CORO7: variants seen among roughly 807,000 people sequenced by gnomAD.
CORO7 encodes coronin-7.
In CORO7, 107 loss-of-function variants were observed where a neutral mutation model predicts 126.6. That is an observed-to-expected ratio of 0.85 (90% CI 0.72 to 0.99). The LOEUF is 0.99. Ranked by LOEUF, CORO7 falls within the 50% of genes least tolerant of loss-of-function variation. The pLI is 0.00. For synonymous variants in CORO7, 603 were observed against 536.8 expected (o/e 1.12, Z -1.70); for missense variants, 1,314 against 1,255.8 (o/e 1.05, Z -0.70).
rs1372322168 is a variant in CORO7, at chr16:4,357,247, G to A, written c.2606C>T (p.Pro869Leu). 11 of 1,613,214 alleles carry A rather than the reference G, an allele frequency of 6.8e-6. No homozygotes were observed. Among genetic ancestry groups the A allele is most frequent in the Non-Finnish European group, 9.3e-6 (11 of 1,179,768 alleles). ...PPDMSPVSQA[P>L]REAPARRAPS... is the part of the protein sequence containing the mutation. Reference sequence around the variant, plus strand: ...GGCCCGACGAGCAGGGGCCTCTCGGGGGGCTTGGCTCACTGGGACAGAGCA... The same window carrying A: ...GGCCCGACGAGCAGGGGCCTCTCGGAGGGCTTGGCTCACTGGGACAGAGCA... Residue 869 changes from proline (P) to leucine (L), a missense_variant, in exon 26 of 28, where the codon CCC (proline) becomes CTC (leucine). Transcript: ENST00000251166.
At chr16:4,360,035 C>T (rs2054112289) in intron 21 of CORO7, among the ~76,000 whole-genome samples, 1 of 145,726 alleles carries the variant, frequency 6.9e-6, no homozygotes, top group African/African-American at 2.6e-5. Context: ...CTCTCCCTAC[C>T]CCCTCATTCA....
chr16:4,370,529 C>G (rs2054487703), intron 9 of CORO7, among the ~76,000 whole-genome samples: 1 of 152,236 alleles, frequency 6.6e-6, no homozygotes, highest in African/African-American at 2.4e-5. Flanking sequence ...CTAAATGCAC[C>G]CAAAGGCCAG....
chr16:4,385,523 G>C (rs1253197793), intron 9 of CORO7, among the ~76,000 whole-genome samples: 1 of 152,164 alleles, frequency 6.6e-6, no homozygotes, highest in East Asian at 1.9e-4. Context: ...GCATCTCCAA[G>C]ACCAAAGCAT....
Position 4,362,084 on chromosome 16 carries a change from G to C in CORO7, c.1479C>G (p.Leu493=). ...RDSHITNLKG[L]NLTTPGESDG... is the part of the protein sequence containing the mutation. Reference sequence around the variant, plus strand: ...CACTCTCACCAGGTGTGGTGAGGTTGAGCCCCTTGAGGTTGGTGATGTGGC... The same window carrying C: ...CACTCTCACCAGGTGTGGTGAGGTTCAGCCCCTTGAGGTTGGTGATGTGGC... The change falls in exon 16 of 28, where the codon CTC becomes CTG. Residue 493 remains leucine (L), a synonymous_variant. Transcript: ENST00000251166. The surrounding 1 kb of genome is among the most constrained non-coding windows in gnomAD (Gnocchi z 5.3). 1 of 1,613,166 alleles carries C rather than the reference G, an allele frequency of 6.2e-7. No homozygotes were observed. Among genetic ancestry groups the C allele is most frequent in the Non-Finnish European group, 8.5e-7 (1 of 1,179,938 alleles).
chr16:4,395,604 C>T (rs1425613540), intron 6 of CORO7, among the ~76,000 whole-genome samples: 1 of 152,184 alleles, frequency 6.6e-6, no homozygotes, highest in Non-Finnish European at 1.5e-5. Flanking sequence ...CTTCCTGAGA[C>T]CTGCTCCACG....
chr16:4,365,513 C>A lies in CORO7; in HGVS notation c.818G>T (p.Gly273Val). 2 of 1,579,204 alleles carry A rather than the reference C, an allele frequency of 1.3e-6. No homozygotes were observed. Among genetic ancestry groups the A allele is most frequent in the East Asian group, 2.3e-5 (1 of 42,824 alleles). Reference sequence around the variant, plus strand: ...CACCTTTCCTGCCAGGACCAGGAGCCCAGAGTCAGGGTCCAGCAGAGGCAC... The same window carrying A: ...CACCTTTCCTGCCAGGACCAGGAGCACAGAGTCAGGGTCCAGCAGAGGCAC... ...CLVPLLDPDS[G>V]LLVLAGKGER... is the part of the protein sequence containing the mutation. The change falls in exon 10 of 28, where the codon GGG becomes GTG. Residue 273 changes from glycine (G) to valine (V), a missense_variant. By Grantham distance (109) the Gly-to-Val change is moderately radical (BLOSUM62 -3). Coordinates refer to ENST00000251166, the MANE Select transcript of CORO7 (RefSeq NM_024535.5).
Position 4,382,644 on chromosome 16 carries a change from G to A in CORO7, c.785+5342C>T, listed in dbSNP as rs140353738. ...CCCTGGCCGCGGTGCTCCTGGCCGC[G>A]CTGGCTGCGGTGGGGGCAGCCTACT... On this transcript the variant is annotated intron_variant, in intron 9 of 27. Transcript: ENST00000251166. 908 of 1,556,644 alleles carry A rather than the reference G, an allele frequency of 5.8e-4. 9 individuals are homozygous for A. In the African/African-American group the frequency reaches 0.011, roughly 19 times the overall value.
intron 9 of CORO7, among the ~76,000 whole-genome samples, chr16:4,377,843 A>G (rs1277478102): frequency 6.6e-6 from 1 of 152,198 alleles, no homozygotes; most frequent in Admixed American, 6.5e-5. Context: ...GGGGCTGGGA[A>G]GCAGGCTGGC....
chr16:4,410,286 A>T (rs2056154332), intron 3 of CORO7, among the ~76,000 whole-genome samples: 2 of 152,120 alleles, frequency 1.3e-5, no homozygotes, highest in African/African-American at 4.8e-5. Context: ...TCAGCTGGGC[A>T]TGGTGGTGTG....
chr16:4,358,541 G>A lies in CORO7; in HGVS notation c.2341-58C>T, dbSNP rs533312175. ...GGACCTAGAGCTCATGGCTGGGCACGTAGTCTCCCCAGGGTGCCGGCACCC... is the reference window on the plus strand; with the variant it reads ...GGACCTAGAGCTCATGGCTGGGCACATAGTCTCCCCAGGGTGCCGGCACCC... On this transcript the variant is annotated intron_variant, in intron 23 of 27. Coordinates refer to ENST00000251166, the MANE Select transcript of CORO7 (RefSeq NM_024535.5). 8.8e-5 allele frequency: 132 copies of A among 1,500,244 alleles called. No homozygotes were observed. The South Asian group carries it at 1.2e-3, about 14-fold the overall frequency. 92.9% of individuals were successfully genotyped at this position (1,500,244 alleles called of 1,614,324 possible). A position where few individuals can be genotyped will look rare whatever the true frequency, so the allele number is the denominator to read the frequency against.
chr16:4,412,266 C>T (rs902224251), intron 3 of CORO7, 90 bp downstream of exon 3: 14 of 1,423,570 alleles, frequency 9.8e-6, no homozygotes, highest in South Asian at 1.2e-5. Flanking sequence ...GCAAGCCATG[C>T]GGCAGTGGGA....
chr16:4,378,288 G>A (rs745354189), intron 9 of CORO7, among the ~76,000 whole-genome samples: 1 of 152,074 alleles, frequency 6.6e-6, no homozygotes, highest in African/African-American at 2.4e-5. Context: ...TGGAGTGAGC[G>A]CTCTTAACTG....
In CORO7 at chr16:4,388,614, C is replaced by G; in HGVS notation, c.633G>C (p.Glu211Asp). Residue 211 changes from glutamate (E) to aspartate (D), a missense_variant, in exon 8 of 28, where the codon GAG (glutamate) becomes GAC (aspartate). By Grantham distance (45) the Glu-to-Asp change is conservative. Coordinates refer to ENST00000251166, the MANE Select transcript of CORO7 (RefSeq NM_024535.5). ...PRASQSTQAH[E>D]NSRDSRLAWM... ...ATGCCAGCCGGCTATCCCTGCTGTT[C>G]TCATGGGCCTGCGTGCTCTGCAGGA... is the stretch of plus-strand genomic sequence containing the variant. 2 of 1,612,382 alleles carry G rather than the reference C, an allele frequency of 1.2e-6. No individual in the cohort carries two copies.
chr16:4,367,333 G>A (rs751790698), intron 9 of CORO7, among the ~76,000 whole-genome samples: 1 of 152,232 alleles, frequency 6.6e-6, no homozygotes, highest in Admixed American at 6.5e-5. Context: ...GGCTCCACTG[G>A]GGCTGGAAGC....
intron 9 of CORO7, among the ~76,000 whole-genome samples, chr16:4,383,785 G>A (rs2055091498): frequency 6.6e-6 from 1 of 152,240 alleles, no homozygotes; most frequent in East Asian, 1.9e-4. Flanking sequence ...GCCAGCAGGG[G>A]CTCTGGCCCA....
intron 9 of CORO7, among the ~76,000 whole-genome samples, chr16:4,373,289 C>T (rs1469569197): frequency 6.6e-6 from 1 of 152,094 alleles, no homozygotes; most frequent in African/African-American, 2.4e-5. Context: ...TATCTAGCCT[C>T]CCCTGGGCCT....
At position 4,362,305 on chromosome 16, in the gene CORO7, A is replaced by G; in HGVS notation, c.1403-145T>C. On this transcript the variant is annotated intron_variant, in intron 15 of 27. Coordinates refer to ENST00000251166, the MANE Select transcript of CORO7 (RefSeq NM_024535.5). The surrounding 1 kb of genome is among the most constrained non-coding windows in gnomAD (Gnocchi z 5.3). ...GCCCAGGCCTTTGCTAATCCAGTGGATGCAACTCGCCCAGGAATAATGTCT... is the reference window on the plus strand; with the variant it reads ...GCCCAGGCCTTTGCTAATCCAGTGGGTGCAACTCGCCCAGGAATAATGTCT... The G allele has an allele frequency of 8.1e-7, 1 of 1,228,744 alleles. No individual in the cohort carries two copies. Among genetic ancestry groups the G allele is most frequent in the Non-Finnish European group, 1.1e-6 (1 of 903,186 alleles). The allele number at this position is 1,228,744 out of a possible 1,614,324, so 76.1% of individuals were successfully genotyped here.
intron 7 of CORO7, 98 bp from the exon 8 acceptor site, chr16:4,388,729 T>A (rs2055283809): frequency 7.7e-7 from 1 of 1,292,646 alleles, no homozygotes; most frequent in Admixed American, 2.1e-5. Context: ...GCTGCCCACC[T>A]GCCTGAAAGC....
At chr16:4,405,152 C>T (rs370076764) in intron 6 of CORO7, among the ~76,000 whole-genome samples, 2 of 152,358 alleles carry the variant, frequency 1.3e-5, no homozygotes, top group African/African-American at 2.4e-5. Context: ...CCAGCACCTG[C>T]GGCCGAATGC....
Sources: gnomAD v4.1 joint callset for allele counts (sites outside exome capture counted in the v4.1 genomes callset) on GRCh38, gnomAD v4.1.1 for gene constraint, Gnocchi (gnomAD v3.1) non-coding constraint, MANE v1.5 for transcripts, NCBI Gene and HGNC (gene_info 2026-07-23, HGNC 2026-07-21) for gene names.